Variants in AGTPBP1 observed in about 807,000 individuals in gnomAD.
AGTPBP1 encodes ATP/GTP binding carboxypeptidase 1, also known as cytosolic carboxypeptidase 1.
AGTPBP1 carries 70 observed loss-of-function variants against 143.9 expected under a neutral mutation model. The observed-to-expected ratio is 0.49, with a 90% CI of 0.40 to 0.59. The LOEUF (loss-of-function observed/expected upper bound fraction) is 0.59. Among genes scored for constraint, AGTPBP1 ranks in the 20% least tolerant of loss-of-function variants. The pLI, the probability that AGTPBP1 is intolerant of heterozygous loss-of-function variation, is 0.00. For synonymous variants in AGTPBP1, 463 were observed against 500.2 expected, an observed-to-expected ratio of 0.93 and a Z score of 0.99; for missense variants, 1,229 against 1,464.5, an observed-to-expected ratio of 0.84 and a Z score of 2.62.
At chr9:85,678,503 C>T (rs1834973312) in intron 4 of AGTPBP1, 105 bp from the exon 5 acceptor site, 1 of 620,568 alleles carries the variant, frequency 1.6e-6, no homozygotes, top group African/African-American at 1.9e-5. Context: ...TTTCCAATTT[C>T]TCTAGGAACA....
At chr9:85,787,262 T>C in the AGTPBP1 span, among the ~76,000 whole-genome samples, 1 of 152,266 alleles carries the variant, frequency 6.6e-6, no homozygotes, top group East Asian at 1.9e-4. Context: ...ACACTCAATA[T>C]ATCTCTCATT....
chr9:85,750,251 T>G, the AGTPBP1 span, among the ~76,000 whole-genome samples: 4 of 152,188 alleles, frequency 2.6e-5, no homozygotes, highest in Admixed American at 2.6e-4. Context: ...GTAGCTTTAT[T>G]TCATCATCCT....
intron 3 of AGTPBP1, among the ~76,000 whole-genome samples, chr9:85,685,941 T>A (rs1835460195): frequency 6.6e-6 from 1 of 151,992 alleles, no homozygotes; most frequent in African/African-American, 2.4e-5. Context: ...TCAAAGAAAT[T>A]ACTTCTTAAA....
At chr9:85,690,971 G>A (rs1189850111) in intron 3 of AGTPBP1, among the ~76,000 whole-genome samples, 2 of 152,216 alleles carry the variant, frequency 1.3e-5, no homozygotes, top group African/African-American at 4.8e-5. Flanking sequence ...ACAGTGGTAG[G>A]AGCAATGGAC....
In AGTPBP1 at chr9:85,741,937, C is replaced by A; in HGVS notation, c.-196G>T. 1.5e-6 allele frequency: 2 copies of A among 1,305,266 alleles called. No homozygotes were observed. Among genetic ancestry groups the A allele is most frequent in the Non-Finnish European group, 1.9e-6 (2 of 1,030,426 alleles). 80.9% of individuals were successfully genotyped at this position (1,305,266 alleles called of 1,614,324 possible). ...GGCGGCGGCAGCTGCGGCGGCGGCG[C>A]TGGAGGCGGCGGAACCTGTCCGCAT... On this transcript the variant is annotated 5_prime_UTR_variant, in exon 1 of 26. Transcript: ENST00000357081.
At chr9:85,703,738 C>T (rs545738438) in intron 2 of AGTPBP1, among the ~76,000 whole-genome samples, 1 of 152,172 alleles carries the variant, frequency 6.6e-6, no homozygotes, top group Admixed American at 6.5e-5. Context: ...TTGGTCTCCA[C>T]TACAGATGAC....
chr9:85,648,225 C>T (rs1169498993), intron 11 of AGTPBP1, among the ~76,000 whole-genome samples: 2 of 152,134 alleles, frequency 1.3e-5, no homozygotes, highest in African/African-American at 2.4e-5. Flanking sequence ...AGTTAATATA[C>T]GTAAAGTGCC....
intron 13 of AGTPBP1, among the ~76,000 whole-genome samples, chr9:85,639,366 C>T (rs925772875): frequency 1.6e-5 from 2 of 125,632 alleles, no homozygotes; most frequent in African/African-American, 6.6e-5. Flanking sequence ...CGCGCGCACG[C>T]GCACACACAC....
At chr9:85,590,624 G>A (rs965922044) in intron 19 of AGTPBP1, among the ~76,000 whole-genome samples, 5 of 152,122 alleles carry the variant, frequency 3.3e-5, no homozygotes, top group Non-Finnish European at 7.4e-5. Context: ...CTACCCTAGG[G>A]AAAATAGAGA....
At chr9:85,730,326 T>G (rs1838794490) in intron 1 of AGTPBP1, among the ~76,000 whole-genome samples, 1 of 152,214 alleles carries the variant, frequency 6.6e-6, no homozygotes, top group Non-Finnish European at 1.5e-5. Flanking sequence ...AATGAATTTG[T>G]GTCCTTTAAA....
chr9:85,734,719 T>C (rs932730549), intron 1 of AGTPBP1, among the ~76,000 whole-genome samples: 1 of 152,166 alleles, frequency 6.6e-6, no homozygotes, highest in Non-Finnish European at 1.5e-5. Context: ...AAATTAAAAA[T>C]AGAATTACCA....
intron 7 of AGTPBP1, among the ~76,000 whole-genome samples, chr9:85,670,026 T>C (rs995438129): frequency 3.2e-4 from 48 of 152,296 alleles, no homozygotes; most frequent in African/African-American, 1.1e-3. Context: ...GATTACACCA[T>C]TGAGAAGTTC....
chr9:85,681,789 G>A lies in AGTPBP1; in HGVS notation c.158-454C>T, dbSNP rs188812893. 2.5e-3 allele frequency among the ~76,000 whole-genome samples: 304 copies of A among 121,352 alleles called. 3 individuals carry two copies. The highest frequency in any genetic ancestry group is 9.6e-3 in the African/African-American group (287 of 29,854). 79.6% of individuals were successfully genotyped at this position (121,352 alleles called of 152,430 possible). On this transcript the variant is annotated intron_variant, in intron 3 of 25. Coordinates refer to ENST00000357081, the MANE Select transcript of AGTPBP1 (RefSeq NM_001330701.2). ...TTTTGAGACGGAGTCTCATTCTGTC[G>A]CCCAGGCTGGAGTGCAACGGCGCAA...
At chr9:85,777,029 C>T in the AGTPBP1 span, among the ~76,000 whole-genome samples, 1 of 152,158 alleles carries the variant, frequency 6.6e-6, no homozygotes, top group African/African-American at 2.4e-5. Flanking sequence ...ATTGTGACTT[C>T]AAAAGGCCAT....
intron 3 of AGTPBP1, among the ~76,000 whole-genome samples, chr9:85,685,910 T>C (rs1473867332): frequency 6.6e-6 from 1 of 152,014 alleles, no homozygotes; most frequent in Non-Finnish European, 1.5e-5. Context: ...TGTGAAAAGT[T>C]AATGACATTT....
chr9:85,771,910 C>T, the AGTPBP1 span, among the ~76,000 whole-genome samples: 3 of 151,964 alleles, frequency 2.0e-5, no homozygotes, highest in African/African-American at 4.8e-5. Flanking sequence ...CCGCCCGCCT[C>T]GGCCTCCCAA....
At chr9:85,630,884 C>A (rs1681093266) in intron 14 of AGTPBP1, among the ~76,000 whole-genome samples, 1 of 152,168 alleles carries the variant, frequency 6.6e-6, no homozygotes, top group African/African-American at 2.4e-5. Context: ...GCAGTGTGAG[C>A]CCCTGGTAAT....
intron 2 of AGTPBP1, among the ~76,000 whole-genome samples, chr9:85,698,824 C>G (rs911536761): frequency 1.3e-5 from 2 of 151,010 alleles, no homozygotes; most frequent in East Asian, 2.0e-4. Context: ...TCCCGAGTAG[C>G]TGGGACTACA....
chr9:85,649,948 A>T (rs1037382606), intron 11 of AGTPBP1, among the ~76,000 whole-genome samples: 14 of 151,406 alleles, frequency 9.2e-5, no homozygotes, highest in African/African-American at 3.2e-4. Flanking sequence ...TAGGATTTTT[A>T]TATTTATTTT....
Sources: gnomAD v4.1 joint callset for allele counts (sites outside exome capture counted in the v4.1 genomes callset) on GRCh38, gnomAD v4.1.1 for gene constraint, MANE v1.5 for transcripts, NCBI Gene and HGNC (gene_info 2026-07-23, HGNC 2026-07-21) for gene names.